The following KDM2B variants were observed in gnomAD, a reference collection of about 807,000 sequenced individuals.
The protein encoded by KDM2B is lysine demethylase 2B, also known as lysine-specific demethylase 2B.
KDM2B carries 26 observed loss-of-function variants against 150.0 expected under a neutral mutation model. The ratio of observed to expected loss-of-function variants is 0.17; its 90% CI spans 0.13 to 0.24. KDM2B has a LOEUF of 0.24. Among genes scored for constraint, KDM2B ranks in the 10% least tolerant of loss-of-function variants. The probability of loss-of-function intolerance (pLI) is 1.00; values close to 1 mark genes in which losing one functional copy is unlikely to be tolerated. For synonymous variants in KDM2B, 734 were observed against 729.5 expected, an observed-to-expected ratio of 1.01 and a Z score of -0.10; for missense variants, 1,265 against 1,816.9, an observed-to-expected ratio of 0.70 and a Z score of 5.52.
intron 12 of KDM2B, among the ~76,000 whole-genome samples, chr12:121,479,659 T>A (rs571462172): frequency 6.6e-6 from 1 of 151,904 alleles, no homozygotes; most frequent in African/African-American, 2.4e-5. Flanking sequence ...TCTTGCTCTG[T>A]TGCCCAGGCT....
chr12:121,415,207 G>A, the KDM2B span: 2 of 217,862 alleles, frequency 9.2e-6, no homozygotes, highest in African/African-American at 2.3e-5. Context: ...AAAAAATCTA[G>A]AGAGAGTTTC....
chr12:121,542,715 G>A lies in KDM2B; in HGVS notation c.683+6162C>T, dbSNP rs548766884. ...CAATGCATTCCTGCAGGGTACAGAT[G>A]AAGAAAAAGGCCATTGGCAGAGATG... On this transcript the variant is annotated intron_variant, in intron 6 of 22. Transcript: ENST00000377071. Among the ~76,000 whole-genome samples, 20 of 152,288 alleles carry A rather than the reference G, an allele frequency of 1.3e-4. No homozygotes were observed. The South Asian group carries it at 3.7e-3, about 28-fold the overall frequency.
At position 121,450,415 on chromosome 12, in the gene KDM2B, A is replaced by C. The variant is rs1160024406; in HGVS notation, c.1959+2705T>G. Among the ~76,000 whole-genome samples the C allele has an allele frequency of 2.6e-5, 4 of 152,246 alleles. No homozygotes were observed. The South Asian group carries it at 8.3e-4, about 31-fold the overall frequency. On this transcript the variant is annotated intron_variant, in intron 13 of 22. Transcript: ENST00000377071. Reference sequence around the variant, plus strand: ...CTCCAAAGAAGACAGACAAACAGCCAATAAGCACTTGAGAAGATGCTCAAC... The same window carrying C: ...CTCCAAAGAAGACAGACAAACAGCCCATAAGCACTTGAGAAGATGCTCAAC...
At chr12:121,557,634 G>A (rs1265408695) in intron 4 of KDM2B, among the ~76,000 whole-genome samples, 3 of 152,138 alleles carry the variant, frequency 2.0e-5, no homozygotes, top group Non-Finnish European at 2.9e-5. Context: ...AAGCCAAGGC[G>A]CACTAAGCAC....
At chr12:121,516,532 A>C in intron 9 of KDM2B, 1 of 1,430,396 alleles carries the variant, frequency 7.0e-7, no homozygotes, top group Non-Finnish European at 9.2e-7. Flanking sequence ...TGGGGACATT[A>C]AACATACGGT....
intron 13 of KDM2B, among the ~76,000 whole-genome samples, chr12:121,447,306 T>A (rs1327924333): frequency 2.0e-5 from 3 of 152,088 alleles, no homozygotes; most frequent in Non-Finnish European, 4.4e-5. Context: ...TGGAGTGCAG[T>A]GGCACGGTCT....
Position 121,575,928 on chromosome 12 carries a change from G to A in KDM2B, c.272-69C>T. ...GGAGCAAATGAACCGGGATCTGTTGGTTAGGGGAAGAAAACTGATGGACGA... is the reference window on the plus strand; with the variant it reads ...GGAGCAAATGAACCGGGATCTGTTGATTAGGGGAAGAAAACTGATGGACGA... On this transcript the variant is annotated intron_variant, in intron 2 of 22. Transcript: ENST00000377071. This position sits in a 1 kb window ranked among gnomAD's most constrained non-coding sequence, Gnocchi z 4.4. The A allele has an allele frequency of 8.3e-7, 1 of 1,206,820 alleles. No individual in the cohort carries two copies. The allele number at this position is 1,206,820 out of a possible 1,614,324, so 74.8% of individuals were successfully genotyped here. A position where few individuals can be genotyped will look rare whatever the true frequency, so the allele number is the denominator to read the frequency against.
chr12:121,466,252 A>C (rs1879898871), intron 12 of KDM2B, among the ~76,000 whole-genome samples: 4 of 152,148 alleles, frequency 2.6e-5, no homozygotes, highest in Admixed American at 2.6e-4. Context: ...ATGCTAACTC[A>C]ATCCATCCCA....
At chr12:121,470,171 A>G (rs1192712236) in intron 12 of KDM2B, 1 of 152,092 alleles carries the variant, frequency 6.6e-6, no homozygotes, top group Non-Finnish European at 1.5e-5. Flanking sequence ...CCCATTACCA[A>G]TCAGGAGCAA....
chr12:121,516,640 T>A, intron 9 of KDM2B: 1 of 785,498 alleles, frequency 1.3e-6, no homozygotes, highest in Non-Finnish European at 2.0e-6. Flanking sequence ...AGGCATGCAA[T>A]GCTCCCAGCC....
intron 8 of KDM2B, among the ~76,000 whole-genome samples, chr12:121,526,018 C>T (rs1887098979): frequency 6.6e-6 from 1 of 152,130 alleles, no homozygotes; most frequent in South Asian, 2.1e-4. Flanking sequence ...CCCTCCAAGG[C>T]CCCCCACATC....
At chr12:121,556,189 T>C (rs1193428359) in intron 4 of KDM2B, among the ~76,000 whole-genome samples, 1 of 152,066 alleles carries the variant, frequency 6.6e-6, no homozygotes, top group African/African-American at 2.4e-5. Context: ...CCTCCCAAAA[T>C]GCTGGGATTA....
At chr12:121,580,676 GC>G in intron 1 of KDM2B, 109 bp downstream of exon 1, 3 of 1,407,716 alleles carry the variant, frequency 2.1e-6, no homozygotes, top group Middle Eastern at 2.0e-4. Context: ...TGGCGTGAAA[GC>G]CCCCGGGGCC....
chr12:121,466,293 C>T (rs1555294759), intron 12 of KDM2B, among the ~76,000 whole-genome samples: 1 of 152,218 alleles, frequency 6.6e-6, no homozygotes, highest in East Asian at 1.9e-4. Flanking sequence ...TCTACCTGGC[C>T]TGCGTCCTGT....
rs569166977 is a variant in KDM2B at position 121,527,423 on chromosome 12, G to A, written c.931+5383C>T. Reference sequence around the variant, plus strand: ...CACCTGTAATCCCAGCACTTTGGGAGGCCAAGGCGGGCAGATCAGGAGATT... The same window carrying A: ...CACCTGTAATCCCAGCACTTTGGGAAGCCAAGGCGGGCAGATCAGGAGATT... On this transcript the variant is annotated intron_variant, in intron 8 of 22. Coordinates refer to ENST00000377071, the MANE Select transcript of KDM2B (RefSeq NM_032590.5). Among the ~76,000 whole-genome samples, 174 of 146,072 alleles carry A rather than the reference G, an allele frequency of 1.2e-3. 1 individual carries two copies. The highest frequency in any genetic ancestry group is 4.1e-3 in the Admixed American group (60 of 14,716).
chr12:121,451,009 G>A (rs566584748), intron 13 of KDM2B, among the ~76,000 whole-genome samples: 1 of 152,240 alleles, frequency 6.6e-6, no homozygotes, highest in East Asian at 1.9e-4. Flanking sequence ...TCTGGGCATG[G>A]AGTTGACCCT....
rs115453719 is a variant in KDM2B, at chr12:121,557,744, C to T, written c.398-8106G>A. On this transcript the variant is annotated intron_variant, in intron 4 of 22. Transcript: ENST00000377071. ...TACAGACACCCTTAATTTTGGACTT[C>T]TAGCCTGCAGAAGTGTGAGAGAATA... 8.6e-3 allele frequency among the ~76,000 whole-genome samples: 1,312 copies of T among 152,230 alleles called. 19 individuals are homozygous for T. The highest frequency in any genetic ancestry group is 0.03 in the African/African-American group (1,229 of 41,550).
the KDM2B span, among the ~76,000 whole-genome samples, chr12:121,412,383 G>A: frequency 4.6e-5 from 7 of 151,660 alleles, no homozygotes; most frequent in African/African-American, 1.7e-4. Flanking sequence ...GGGACTACAG[G>A]TGCCCGCCAC....
At chr12:121,519,513 T>C (rs1462409711) in intron 9 of KDM2B, among the ~76,000 whole-genome samples, 2 of 152,102 alleles carry the variant, frequency 1.3e-5, no homozygotes, top group Admixed American at 1.3e-4. Flanking sequence ...TTATGCTACA[T>C]GAAAGAAACC....
Sources: gnomAD v4.1 joint callset for allele counts (sites outside exome capture counted in the v4.1 genomes callset) on GRCh38, gnomAD v4.1.1 for gene constraint, Gnocchi (gnomAD v3.1) non-coding constraint, MANE v1.5 for transcripts, NCBI Gene and HGNC (gene_info 2026-07-23, HGNC 2026-07-21) for gene names.